The following CACNA1E variants were observed in gnomAD, a reference collection of about 807,000 sequenced individuals.
CACNA1E encodes voltage-dependent R-type calcium channel subunit alpha-1E.
CACNA1E carries 40 observed loss-of-function variants against 259.2 expected under a neutral mutation model. The ratio of observed to expected loss-of-function variants is 0.15; its 90% confidence interval spans 0.12 to 0.20. CACNA1E has a LOEUF of 0.20. Ranked by LOEUF, CACNA1E falls within the 10% of genes least tolerant of loss-of-function variation. The probability of loss-of-function intolerance (pLI) is 1.00; values close to 1 mark genes in which losing one functional copy is unlikely to be tolerated. For missense variants in CACNA1E, 1,874 were observed against 3,040.1 expected, an observed-to-expected ratio of 0.62 and a Z score of 9.02; for synonymous variants, 1,104 against 1,138.5, an observed-to-expected ratio of 0.97 and a Z score of 0.61.
At chr1:181,560,064 T>A (rs1444689921) in intron 3 of CACNA1E, among the ~76,000 whole-genome samples, 2 of 152,166 alleles carry the variant, frequency 1.3e-5, no homozygotes, top group Non-Finnish European at 2.9e-5. Flanking sequence ...TTTAGTCATA[T>A]TTGAAGTTTA....
At chr1:181,713,363 T>C (rs529735780) in intron 8 of CACNA1E, among the ~76,000 whole-genome samples, 1 of 152,280 alleles carries the variant, frequency 6.6e-6, no homozygotes, top group Admixed American at 6.5e-5. Flanking sequence ...ACACGTGCTA[T>C]AAAATGACTT....
chr1:181,655,426 G>T (rs1659127218), intron 7 of CACNA1E, among the ~76,000 whole-genome samples: 2 of 152,094 alleles, frequency 1.3e-5, no homozygotes, highest in African/African-American at 4.8e-5. Context: ...GCTTCTCAAT[G>T]GCAACACTGA....
At chr1:181,715,223 C>T (rs1653774066) in intron 8 of CACNA1E, 115 bp from the exon 9 acceptor site, 1 of 679,476 alleles carries the variant, frequency 1.5e-6, no homozygotes, top group Non-Finnish European at 2.6e-6. Flanking sequence ...GTGACAGGCT[C>T]TGAACTCTGC....
At chr1:181,592,775 T>C (rs1464563592) in intron 6 of CACNA1E, among the ~76,000 whole-genome samples, 1 of 152,034 alleles carries the variant, frequency 6.6e-6, no homozygotes, top group Admixed American at 6.6e-5. Flanking sequence ...GTTCCTTCTT[T>C]CCCCAACTCT....
intron 8 of CACNA1E, among the ~76,000 whole-genome samples, chr1:181,712,393 G>A (rs182212780): frequency 7.0e-4 from 106 of 152,264 alleles, no homozygotes; most frequent in South Asian, 6.2e-3. Flanking sequence ...AGGTCACAGA[G>A]GAAAAATTTG....
In CACNA1E at chr1:181,790,553, T is replaced by C. The variant is rs374087245; in HGVS notation, c.5895T>C (p.Ser1965=). The C allele has an allele frequency of 2.4e-5, 37 of 1,571,572 alleles. No individual in the cohort carries two copies. Among genetic ancestry groups the C allele is most frequent in the Non-Finnish European group, 2.9e-5 (33 of 1,140,568 alleles). The change falls in exon 44 of 48, where the codon TCT becomes TCC. Residue 1965 remains serine (S), a synonymous_variant. Transcript: ENST00000367573. ...ADDGQFQERQ[S]LEPEVSELKS... is the part of the protein sequence containing the mutation. Reference sequence around the variant, plus strand: ...ACGGACAGTTCCAAGAACGGCAGTCTCTGGTGAATGCATGAGTTATATGAC... The same window carrying C: ...ACGGACAGTTCCAAGAACGGCAGTCCCTGGTGAATGCATGAGTTATATGAC...
intron 3 of CACNA1E, among the ~76,000 whole-genome samples, chr1:181,562,662 T>A (rs1240331301): frequency 6.6e-6 from 1 of 152,198 alleles, no homozygotes; most frequent in Admixed American, 6.5e-5. Flanking sequence ...AGAAAGATTT[T>A]TGCCCTCAAG....
intron 3 of CACNA1E, among the ~76,000 whole-genome samples, chr1:181,557,074 G>A (rs1455707831): frequency 6.6e-6 from 1 of 152,136 alleles, no homozygotes; most frequent in Non-Finnish European, 1.5e-5. Context: ...TGGGAGCTGG[G>A]GGAGTGTTTG....
chr1:181,609,638 A>T (rs555452104), intron 6 of CACNA1E, among the ~76,000 whole-genome samples: 1 of 152,340 alleles, frequency 6.6e-6, no homozygotes, highest in East Asian at 1.9e-4. Flanking sequence ...TGTGCAAGTT[A>T]TGAGAAAATT....
At chr1:181,517,425 G>A (rs1196849022) in intron 3 of CACNA1E, among the ~76,000 whole-genome samples, 4 of 152,060 alleles carry the variant, frequency 2.6e-5, no homozygotes, top group South Asian at 2.1e-4. Context: ...GGGGAGCCAC[G>A]GAAGGCTTTG....
intron 1 of CACNA1E, among the ~76,000 whole-genome samples, chr1:181,349,648 G>C (rs1250029187): frequency 6.6e-6 from 1 of 152,126 alleles, no homozygotes; most frequent in Non-Finnish European, 1.5e-5. Flanking sequence ...ACTGAGACAG[G>C]CCTGTGTAGG....
intron 7 of CACNA1E, among the ~76,000 whole-genome samples, chr1:181,655,189 A>G (rs993273490): frequency 1.3e-5 from 2 of 152,138 alleles, no homozygotes; most frequent in Non-Finnish European, 2.9e-5. Flanking sequence ...GATAATTTTT[A>G]TAGCAGGGTG....
intron 3 of CACNA1E, among the ~76,000 whole-genome samples, chr1:181,554,348 T>C (rs1648504421): frequency 6.6e-6 from 1 of 152,132 alleles, no homozygotes; most frequent in African/African-American, 2.4e-5. Flanking sequence ...CCATATAATT[T>C]GGGAATGATT....
chr1:181,551,097 C>G (rs1222119922), intron 3 of CACNA1E, among the ~76,000 whole-genome samples: 1 of 152,070 alleles, frequency 6.6e-6, no homozygotes, highest in Non-Finnish European at 1.5e-5. Context: ...ATGAGATTCC[C>G]CAGTGGCTCG....
chr1:181,610,443 G>C (rs1286501956), intron 6 of CACNA1E, among the ~76,000 whole-genome samples: 1 of 152,210 alleles, frequency 6.6e-6, no homozygotes, highest in African/African-American at 2.4e-5. Flanking sequence ...TTTCTACTTT[G>C]CGTGGTCTAT....
At chr1:181,784,591 C>A in intron 40 of CACNA1E, 70 bp from the exon 41 acceptor site, 1 of 1,054,778 alleles carries the variant, frequency 9.5e-7, no homozygotes, top group Non-Finnish European at 1.4e-6. Flanking sequence ...CAGCTCCTAC[C>A]TTCACCTCCT....
At chr1:181,574,567 A>G (rs2102952680) in intron 3 of CACNA1E, among the ~76,000 whole-genome samples, 1 of 152,332 alleles carries the variant, frequency 6.6e-6, no homozygotes, top group African/African-American at 2.4e-5. Flanking sequence ...TTTTGGGGGT[A>G]GAGATGAGTA....
At chr1:181,476,398 AG>A (rs1662852609) in intron 2 of CACNA1E, among the ~76,000 whole-genome samples, 1 of 152,162 alleles carries the variant, frequency 6.6e-6, no homozygotes, top group Admixed American at 6.5e-5. Context: ...TCCAACACAA[AG>A]GGTTCTTGGA....
chr1:181,378,091 AG>A (rs1258057218), intron 1 of CACNA1E, among the ~76,000 whole-genome samples: 1 of 152,274 alleles, frequency 6.6e-6, no homozygotes, highest in African/African-American at 2.4e-5. Context: ...AGTAATTGAT[AG>A]AACTTAGCAC....
Sources: allele counts gnomAD v4.1 joint callset (sites outside exome capture counted in the v4.1 genomes callset), GRCh38; gene constraint gnomAD v4.1.1; transcripts MANE v1.5; gene names NCBI Gene and HGNC (gene_info 2026-07-23, HGNC 2026-07-21).